The following AOPEP variants were observed in gnomAD, a reference collection of about 807,000 sequenced individuals.
AOPEP encodes aminopeptidase O.
AOPEP carries 77 observed loss-of-function variants against 98.1 expected under a neutral mutation model. That is an observed-to-expected ratio of 0.78 (90% CI 0.65 to 0.95). The LOEUF is 0.95. Ranked by LOEUF, AOPEP falls within the 40% of genes least tolerant of loss-of-function variation. The probability of loss-of-function intolerance (pLI) is 0.00; values close to 1 mark genes in which losing one functional copy is unlikely to be tolerated. For synonymous variants in AOPEP, 346 were observed against 365.3 expected, an observed-to-expected ratio of 0.95 and a Z score of 0.60; for missense variants, 1,024 against 1,024.7, an observed-to-expected ratio of 1.00 and a Z score of 0.01.
rs1210608196 is a variant in AOPEP at position 94,773,128 on chromosome 9, G to A, written c.924G>A (p.Met308Ile). 2 of 1,614,106 alleles carry A rather than the reference G, an allele frequency of 1.2e-6. No homozygotes were observed. Among genetic ancestry groups the A allele is most frequent in the Admixed American group, 1.7e-5 (1 of 60,016 alleles). ...VRAAASFVVL[M>I]SGENSAKPTQ... is the part of the protein sequence containing the mutation. ...CAGCTGCATCTTTTGTTGTTTTAAT[G>A]AGTGGGGAAAATTCTGCCAAACCAA... Residue 308 changes from methionine to isoleucine, a missense_variant, in exon 3 of 17, where the codon ATG becomes ATA. Transcript: ENST00000375315.
At chr9:94,947,546 A>G (rs977349545) in intron 7 of AOPEP, among the ~76,000 whole-genome samples, 3 of 152,088 alleles carry the variant, frequency 2.0e-5, no homozygotes, top group African/African-American at 4.8e-5. Context: ...CCAGCCCCAT[A>G]TTTCATTTTT....
chr9:94,921,826 C>T (rs1465708287), intron 5 of AOPEP, among the ~76,000 whole-genome samples: 2 of 152,062 alleles, frequency 1.3e-5, no homozygotes, highest in East Asian at 3.9e-4. Context: ...ATAGTGGGGT[C>T]ATTTGTATGG....
intron 3 of AOPEP, among the ~76,000 whole-genome samples, chr9:94,779,654 A>G (rs896839456): frequency 5.9e-5 from 9 of 151,672 alleles, no homozygotes; most frequent in African/African-American, 1.9e-4. Flanking sequence ...TTTATAATTT[A>G]TAATTTGAAT....
chr9:95,095,156 C>T, the AOPEP span, among the ~76,000 whole-genome samples: 12 of 152,246 alleles, frequency 7.9e-5, no homozygotes, highest in African/African-American at 2.9e-4. Context: ...GGTTACCATA[C>T]TGTTTCCAGA....
chr9:94,798,216 A>G (rs567818343), intron 4 of AOPEP, among the ~76,000 whole-genome samples: 7 of 152,234 alleles, frequency 4.6e-5, no homozygotes, highest in Non-Finnish European at 7.4e-5. Context: ...GTCCATTTCT[A>G]TGGGAGCCTT....
At chr9:94,936,604 CCAAG>C (rs1308710411) in intron 7 of AOPEP, among the ~76,000 whole-genome samples, 1 of 152,202 alleles carries the variant, frequency 6.6e-6, no homozygotes, top group African/African-American at 2.4e-5. Flanking sequence ...TCCCCACACA[CCAAG>C]CAAGCAATAA....
the AOPEP span, chr9:95,145,535 C>G: frequency 6.6e-6 from 1 of 152,118 alleles, no homozygotes; most frequent in African/African-American, 2.4e-5. Context: ...AAATTGGTTT[C>G]AAAGTTTATG....
chr9:95,019,063 C>T (rs1170950043), intron 13 of AOPEP: 8 of 152,066 alleles, frequency 5.3e-5, no homozygotes, highest in African/African-American at 1.9e-4. Flanking sequence ...TGGTTTTTTC[C>T]TGTAACTGTT....
chr9:95,101,602 C>A, the AOPEP span: 1 of 1,382,722 alleles, frequency 7.2e-7, no homozygotes. Flanking sequence ...CACAGCCCAG[C>A]GAGGGCACTT....
intron 5 of AOPEP, among the ~76,000 whole-genome samples, chr9:94,836,203 G>C (rs1224158019): frequency 6.6e-6 from 1 of 152,100 alleles, no homozygotes; most frequent in Admixed American, 6.5e-5. Context: ...CATAGCACAG[G>C]CTTTTGTGTG....
intron 14 of AOPEP, among the ~76,000 whole-genome samples, chr9:95,074,569 G>T (rs1434756868): frequency 6.6e-6 from 1 of 152,198 alleles, no homozygotes; most frequent in Admixed American, 6.5e-5. Context: ...CACTGTCATT[G>T]TTTCTGTTGA....
intron 5 of AOPEP, among the ~76,000 whole-genome samples, chr9:94,818,470 C>T (rs1239828982): frequency 1.3e-5 from 2 of 152,110 alleles, no homozygotes; most frequent in Non-Finnish European, 2.9e-5. Context: ...AGTTGTTGGT[C>T]CACATTCCTT....
chr9:95,098,255 G>T, the AOPEP span, among the ~76,000 whole-genome samples: 1 of 152,118 alleles, frequency 6.6e-6, no homozygotes, highest in East Asian at 1.9e-4. Context: ...CTTCTTCTCT[G>T]GCTTCCCTGT....
intron 5 of AOPEP, among the ~76,000 whole-genome samples, chr9:94,922,803 C>G (rs1339841867): frequency 6.6e-6 from 1 of 152,244 alleles, no homozygotes; most frequent in African/African-American, 2.4e-5. Flanking sequence ...CCTGTTATTA[C>G]TTCACATGAA....
At chr9:94,746,470 T>A (rs1415740331) in intron 1 of AOPEP, among the ~76,000 whole-genome samples, 1 of 152,174 alleles carries the variant, frequency 6.6e-6, no homozygotes. Flanking sequence ...AAATCTCCAT[T>A]TCTTTATAAC....
At chr9:95,032,627 T>A (rs1033424715) in intron 13 of AOPEP, among the ~76,000 whole-genome samples, 1 of 152,248 alleles carries the variant, frequency 6.6e-6, no homozygotes, top group Non-Finnish European at 1.5e-5. Flanking sequence ...CAGGCTACTC[T>A]GCTCTAGGCA....
chr9:95,136,661 C>G, the AOPEP span, among the ~76,000 whole-genome samples: 1 of 151,970 alleles, frequency 6.6e-6, no homozygotes, highest in Non-Finnish European at 1.5e-5. Context: ...TATTTTTTTT[C>G]TTGTAAAGAT....
At chr9:94,959,847 CAG>C (rs2058698966) in intron 9 of AOPEP, among the ~76,000 whole-genome samples, 1 of 151,918 alleles carries the variant, frequency 6.6e-6, no homozygotes, top group African/African-American at 2.4e-5. Context: ...TGTCACTGGA[CAG>C]AAATAATTTT....
At chr9:95,110,268 G>T in the AOPEP span, 1 of 1,010,094 alleles carries the variant, frequency 9.9e-7, no homozygotes, top group Non-Finnish European at 1.2e-6. Flanking sequence ...CTTCAAAAGT[G>T]ATTCTCTGTC....
Sources: allele counts gnomAD v4.1 joint callset (sites outside exome capture counted in the v4.1 genomes callset), GRCh38; gene constraint gnomAD v4.1.1; transcripts MANE v1.5; gene names NCBI Gene and HGNC (gene_info 2026-07-23, HGNC 2026-07-21).